The following CSMD1 variants were observed in gnomAD, a reference collection of about 807,000 sequenced individuals.
CSMD1 encodes CUB and Sushi multiple domains 1.
Under a neutral mutation model 417.5 loss-of-function variants are expected in CSMD1, and 213 were observed. The observed-to-expected ratio is 0.51, with a 90% confidence interval of 0.46 to 0.57. The LOEUF is 0.57. Ranked by LOEUF, CSMD1 falls within the 20% of genes least tolerant of loss-of-function variation. CSMD1 has a pLI of 0.00. For missense variants in CSMD1, 6,923 were observed against 4,529.7 expected, an observed-to-expected ratio of 1.53 and a Z score of -15.17; for synonymous variants, 2,862 against 1,736.8, an observed-to-expected ratio of 1.65 and a Z score of -16.11.
rs142416290 is a variant in CSMD1, at chr8:4,608,619, G to A, written c.302+28723C>T. Among the ~76,000 whole-genome samples the A allele has an allele frequency of 4.4e-3, 677 of 152,262 alleles. 7 individuals are homozygous for A. Among genetic ancestry groups the A allele is most frequent in the African/African-American group, 0.015 (618 of 41,542 alleles). On this transcript the variant is annotated intron_variant, in intron 2 of 69. Transcript: ENST00000635120. ...GTTATACTACAAATGCGTCATTTTC[G>A]CTAGCAATGCCCGCCATACATTTTT...
intron 7 of CSMD1, among the ~76,000 whole-genome samples, chr8:3,702,781 G>C (rs777707096): frequency 7.0e-4 from 107 of 152,320 alleles, no homozygotes; most frequent in Non-Finnish European, 1.1e-3. Flanking sequence ...GCAGTTAGCT[G>C]AGATCGCACC....
intron 1 of CSMD1, among the ~76,000 whole-genome samples, chr8:4,766,060 C>G (rs1381912618): frequency 2.0e-5 from 3 of 152,134 alleles, no homozygotes; most frequent in Non-Finnish European, 4.4e-5. Flanking sequence ...ATGTGGAAAT[C>G]TAGCTAGAAG....
intron 2 of CSMD1, among the ~76,000 whole-genome samples, chr8:4,616,469 G>T (rs1015512488): frequency 6.6e-6 from 1 of 152,050 alleles, no homozygotes; most frequent in African/African-American, 2.4e-5. Context: ...ATTTAAAGCT[G>T]GTTATAAATT....
chr8:4,057,418 A>G (rs1798752806), intron 3 of CSMD1, among the ~76,000 whole-genome samples: 1 of 152,098 alleles, frequency 6.6e-6, no homozygotes, highest in Non-Finnish European at 1.5e-5. Flanking sequence ...AGTTCATTGT[A>G]GATTCTGGAT....
At chr8:3,273,401 G>A (rs1253563135) in intron 26 of CSMD1, among the ~76,000 whole-genome samples, 2 of 151,906 alleles carry the variant, frequency 1.3e-5, no homozygotes, top group Admixed American at 1.3e-4. Flanking sequence ...CTCTTTTTTG[G>A]TTGTGTCTCT....
At chr8:3,384,206 A>T (rs1488753994) in intron 18 of CSMD1, among the ~76,000 whole-genome samples, 1 of 152,150 alleles carries the variant, frequency 6.6e-6, no homozygotes, top group Non-Finnish European at 1.5e-5. Flanking sequence ...AGACATCTTT[A>T]AAAAATGGTT....
chr8:4,581,261 A>C (rs528407283), intron 2 of CSMD1, among the ~76,000 whole-genome samples: 1 of 152,216 alleles, frequency 6.6e-6, no homozygotes, highest in South Asian at 2.1e-4. Context: ...GCATTTCAAA[A>C]TGTTTATTTC....
chr8:3,678,230 A>C (rs1203846300), intron 7 of CSMD1, among the ~76,000 whole-genome samples: 1 of 152,338 alleles, frequency 6.6e-6, no homozygotes, highest in Admixed American at 6.5e-5. Context: ...CAGATGATCA[A>C]ACTTCTCCGA....
chr8:4,757,394 C>T lies in CSMD1; in HGVS notation c.86-119836G>A, dbSNP rs185578690. ...AGATGATTCAATATACACAAAAACT[C>T]GTTCATCTATACAATAGTCACCAAT... is the stretch of plus-strand genomic sequence containing the variant. On this transcript the variant is annotated intron_variant, in intron 1 of 69. Transcript: ENST00000635120. 9.2e-5 allele frequency among the ~76,000 whole-genome samples: 14 copies of T among 152,258 alleles called. No homozygotes were observed. In the East Asian group the frequency reaches 2.3e-3, roughly 25 times the overall value.
chr8:4,945,539 G>A (rs1450033784), intron 1 of CSMD1, among the ~76,000 whole-genome samples: 2 of 151,356 alleles, frequency 1.3e-5, no homozygotes, highest in Non-Finnish European at 2.9e-5. Context: ...AAAAAAAAGT[G>A]GTACTCAGTA....
intron 2 of CSMD1, among the ~76,000 whole-genome samples, chr8:4,434,507 C>A (rs1798042307): frequency 6.6e-6 from 1 of 152,126 alleles, no homozygotes; most frequent in Admixed American, 6.5e-5. Context: ...AAAGAAAACC[C>A]AGCAAAATTG....
chr8:2,948,362 G>A (rs540665965), intron 68 of CSMD1, among the ~76,000 whole-genome samples: 3 of 152,006 alleles, frequency 2.0e-5, no homozygotes, highest in South Asian at 4.2e-4. Context: ...GGAAGCAGAC[G>A]AGGTAGCATT....
At chr8:3,846,061 T>TA (rs567094489) in intron 5 of CSMD1, among the ~76,000 whole-genome samples, 6,061 of 148,086 alleles carry the variant, frequency 0.041, 173 homozygotes, top group Non-Finnish European at 0.063. Flanking sequence ...CAGTTAAAAT[T>TA]AAAAAAAAAA....
At chr8:2,978,564 G>T in intron 55 of CSMD1, 48 bp downstream of exon 55, 1 of 1,420,148 alleles carries the variant, frequency 7.0e-7, no homozygotes, top group Non-Finnish European at 9.5e-7. Flanking sequence ...TGCTGATGGT[G>T]ACCTTGCAGG....
At chr8:4,515,063 G>T (rs746977728) in intron 2 of CSMD1, among the ~76,000 whole-genome samples, 6 of 152,134 alleles carry the variant, frequency 3.9e-5, no homozygotes, top group Non-Finnish European at 8.8e-5. Context: ...ACACCCAGAA[G>T]GCAAATGATA....
At position 2,962,975 on chromosome 8, in the gene CSMD1, G is replaced by C. The variant is rs1006067488; in HGVS notation, c.9454+247C>G. 2.0e-5 allele frequency among the ~76,000 whole-genome samples: 3 copies of C among 152,292 alleles called. No homozygotes were observed. The South Asian group carries it at 6.2e-4, about 32-fold the overall frequency. On this transcript the variant is annotated intron_variant, in intron 60 of 69. Transcript: ENST00000635120. The stretch of plus-strand genomic sequence containing the variant: ...AGGTGGGAGGATGGTTTGAGCCCGA[G>C]AGATTGAGGCTGCAGGGAGCTATGA...
rs1803132024 is a variant in CSMD1 at position 3,286,074 on chromosome 8, G to GT, written c.3951-1729_3951-1728insA. 2.6e-5 allele frequency among the ~76,000 whole-genome samples: 4 copies of GT among 152,148 alleles called. No homozygotes were observed. The South Asian group carries it at 8.3e-4, about 32-fold the overall frequency. ...TCCCACCTATGAGTGAGAACATGAGGCGTTTGGTTTTTTGTCCTTGAGATA... is the reference window on the plus strand; with the variant it reads ...TCCCACCTATGAGTGAGAACATGAGGTCGTTTGGTTTTTTGTCCTTGAGATA... On this transcript the variant is annotated intron_variant, in intron 25 of 69. Transcript: ENST00000635120.
chr8:3,104,710 CTT>C (rs34005345), intron 46 of CSMD1, among the ~76,000 whole-genome samples: 62 of 135,000 alleles, frequency 4.6e-4, no homozygotes, highest in African/African-American at 1.2e-3. Context: ...TTTTTCTTTT[CTT>C]TTTTTTTTTT....
Position 3,145,043 on chromosome 8 carries a change from T to TTGTGTGTGTGTGTGTG in CSMD1, c.6032-2385_6032-2370dup, listed in dbSNP as rs34827109. Among the ~76,000 whole-genome samples the TTGTGTGTGTGTGTGTG allele has an allele frequency of 3.1e-3, 456 of 146,786 alleles. 2 individuals are homozygous for TTGTGTGTGTGTGTGTG. The highest frequency in any genetic ancestry group is 6.9e-3 in the Middle Eastern group (2 of 290). On this transcript the variant is annotated intron_variant, in intron 40 of 69. Transcript: ENST00000635120. The stretch of plus-strand genomic sequence containing the variant: ...CTAATAAGTAAACTAGAGTAAAGAG[T>TTGTGTGTGTGTGTGTG]TGTGTGTGTGTGTGTGCATGCATGC...
Sources: gnomAD v4.1 joint callset for allele counts (sites outside exome capture counted in the v4.1 genomes callset) on GRCh38, gnomAD v4.1.1 for gene constraint, MANE v1.5 for transcripts, NCBI Gene and HGNC (gene_info 2026-07-23, HGNC 2026-07-21) for gene names.